CCDC91: variants seen among roughly 807,000 people sequenced by gnomAD.
The protein encoded by CCDC91 is coiled-coil domain-containing protein 91.
CCDC91 carries 48 observed loss-of-function variants against 63.2 expected under a neutral mutation model. The observed-to-expected ratio is 0.76, with a 90% CI of 0.60 to 0.97. The LOEUF is 0.97. CCDC91 is among the 50% of genes least tolerant of loss of function. The pLI is 0.00. For synonymous variants in CCDC91, 167 were observed against 165.8 expected, an observed-to-expected ratio of 1.01 and a Z score of -0.06; for missense variants, 500 against 494.6, an observed-to-expected ratio of 1.01 and a Z score of -0.10.
chr12:28,546,754 A>AG (rs1464352415), intron 12 of CCDC91, among the ~76,000 whole-genome samples: 8 of 152,098 alleles, frequency 5.3e-5, no homozygotes, highest in Admixed American at 3.3e-4. Context: ...GGAAAAAAAA[A>AG]CAAGAGACAC....
chr12:28,431,582 T>C (rs536972239), intron 8 of CCDC91, among the ~76,000 whole-genome samples: 73 of 152,242 alleles, frequency 4.8e-4, no homozygotes, highest in African/African-American at 1.7e-3. Flanking sequence ...GGTTTAGATA[T>C]ATCTCTTATA....
intron 1 of CCDC91, among the ~76,000 whole-genome samples, chr12:28,226,544 T>C (rs1944284342): frequency 6.6e-6 from 1 of 152,196 alleles, no homozygotes; most frequent in Non-Finnish European, 1.5e-5. Flanking sequence ...CTTAGAAATA[T>C]AAACATTATT....
At chr12:28,267,924 AATTAT>A (rs1405972296) in intron 3 of CCDC91, among the ~76,000 whole-genome samples, 1 of 80,952 alleles carries the variant, frequency 1.2e-5, no homozygotes, top group Non-Finnish European at 2.4e-5. Flanking sequence ...TAATTATTAT[AATTAT>A]ATATAATTAT....
At chr12:28,405,419 G>A (rs1259203453) in intron 8 of CCDC91, among the ~76,000 whole-genome samples, 1 of 152,032 alleles carries the variant, frequency 6.6e-6, no homozygotes, top group Non-Finnish European at 1.5e-5. Flanking sequence ...ACCATTATAT[G>A]TTGCATCAGT....
chr12:28,258,839 A>G (rs1284357406), intron 2 of CCDC91, among the ~76,000 whole-genome samples: 2 of 151,980 alleles, frequency 1.3e-5, no homozygotes, highest in African/African-American at 4.8e-5. Context: ...CCAAAATAGG[A>G]CGGCTTGTTA....
intron 3 of CCDC91, among the ~76,000 whole-genome samples, chr12:28,295,506 T>C (rs909147985): frequency 5.3e-5 from 8 of 152,036 alleles, no homozygotes; most frequent in African/African-American, 1.9e-4. Flanking sequence ...ATCTGACAAC[T>C]AAGTACTTTA....
intron 7 of CCDC91, among the ~76,000 whole-genome samples, chr12:28,388,614 A>C (rs1945749453): frequency 6.6e-6 from 1 of 152,210 alleles, no homozygotes; most frequent in African/African-American, 2.4e-5. Context: ...CATAGATGAC[A>C]CAAATGGAAA....
intron 3 of CCDC91, among the ~76,000 whole-genome samples, chr12:28,294,340 T>C (rs1949424928): frequency 6.6e-6 from 1 of 152,112 alleles, no homozygotes; most frequent in Non-Finnish European, 1.5e-5. Context: ...AATCCCCCCA[T>C]GTCAAGGGAG....
intron 12 of CCDC91, among the ~76,000 whole-genome samples, chr12:28,487,566 C>T (rs1218229477): frequency 6.6e-6 from 1 of 151,670 alleles, no homozygotes; most frequent in Non-Finnish European, 1.5e-5. Flanking sequence ...CAACTCACAT[C>T]TACTTCTTCC....
intron 8 of CCDC91, among the ~76,000 whole-genome samples, chr12:28,406,434 G>C (rs1345870373): frequency 6.6e-6 from 1 of 152,144 alleles, no homozygotes; most frequent in Non-Finnish European, 1.5e-5. Flanking sequence ...GTATGGTAAA[G>C]TATATGTAAA....
At chr12:28,457,706 G>A (rs1286088206) in intron 11 of CCDC91, among the ~76,000 whole-genome samples, 2 of 151,624 alleles carry the variant, frequency 1.3e-5, no homozygotes, top group African/African-American at 4.9e-5. Context: ...GGCCTTGATC[G>A]TAAGTTAAGA....
intron 6 of CCDC91, among the ~76,000 whole-genome samples, chr12:28,316,920 T>C (rs1939952530): frequency 6.6e-6 from 1 of 151,942 alleles, no homozygotes; most frequent in Non-Finnish European, 1.5e-5. Flanking sequence ...GGGCTTTATC[T>C]GGAAAGTATT....
intron 8 of CCDC91, among the ~76,000 whole-genome samples, chr12:28,399,624 C>T (rs1946495065): frequency 6.6e-6 from 1 of 152,182 alleles, no homozygotes; most frequent in African/African-American, 2.4e-5. Flanking sequence ...CCTGTAGAAT[C>T]AAAAGCAAGT....
chr12:28,419,588 C>T (rs891489071), intron 8 of CCDC91, among the ~76,000 whole-genome samples: 11 of 151,960 alleles, frequency 7.2e-5, no homozygotes, highest in African/African-American at 2.7e-4. Flanking sequence ...TATTGACAGA[C>T]GTTTTGTAAG....
intron 3 of CCDC91, among the ~76,000 whole-genome samples, chr12:28,269,595 AG>A (rs1212097042): frequency 6.6e-6 from 1 of 152,112 alleles, no homozygotes; most frequent in African/African-American, 2.4e-5. Flanking sequence ...GGCACCAGAG[AG>A]GGCTGGGACA....
At chr12:28,543,844 A>G (rs1177889801) in intron 12 of CCDC91, among the ~76,000 whole-genome samples, 1 of 151,974 alleles carries the variant, frequency 6.6e-6, no homozygotes, top group Non-Finnish European at 1.5e-5. Context: ...ACTATTATTC[A>G]AAGAATCGCC....
chr12:28,510,034 GT>G (rs1258619200), intron 12 of CCDC91, among the ~76,000 whole-genome samples: 1 of 151,890 alleles, frequency 6.6e-6, no homozygotes, highest in Non-Finnish European at 1.5e-5. Context: ...GGGTACCCAT[GT>G]AGAAGGGAGT....
At chr12:28,333,938 A>G (rs1941719671) in intron 6 of CCDC91, among the ~76,000 whole-genome samples, 1 of 152,102 alleles carries the variant, frequency 6.6e-6, no homozygotes, top group South Asian at 2.1e-4. Flanking sequence ...TTACCTTTTA[A>G]AAAATATTGA....
In CCDC91 at chr12:28,331,361, A is replaced by G. The variant is rs535104458; in HGVS notation, c.576+23612A>G. On this transcript the variant is annotated intron_variant, in intron 6 of 12. Coordinates refer to ENST00000536442, the MANE Select transcript of CCDC91 (RefSeq NM_018318.5). The stretch of plus-strand genomic sequence containing the variant: ...ACAGCTGTCTTCCTGACAGAGGTTC[A>G]TGTGAGGAAAAAACGTCAGGCTGGG... Among the ~76,000 whole-genome samples, 23 of 152,326 alleles carry G rather than the reference A, an allele frequency of 1.5e-4. 1 individual carries two copies. In the East Asian group the frequency reaches 3.9e-3, roughly 26 times the overall value.
Sources: allele counts gnomAD v4.1 joint callset (sites outside exome capture counted in the v4.1 genomes callset), GRCh38; gene constraint gnomAD v4.1.1; transcripts MANE v1.5; gene names NCBI Gene and HGNC (gene_info 2026-07-23, HGNC 2026-07-21).